The following TRAT1 variants were observed in gnomAD, a reference collection of about 807,000 sequenced individuals.
TRAT1 encodes T-cell receptor-associated transmembrane adapter 1.
Under a neutral mutation model 20.0 loss-of-function variants are expected in TRAT1, and 20 were observed. The observed-to-expected ratio is 1.00, with a 90% CI of 0.70 to 1.45. The LOEUF (loss-of-function observed/expected upper bound fraction) is 1.45. Ranked by LOEUF, TRAT1 falls within the 40% of genes most tolerant of loss-of-function variation. The pLI, the probability that TRAT1 is intolerant of heterozygous loss-of-function variation, is 0.00. For missense variants in TRAT1, 237 were observed against 224.1 expected, an observed-to-expected ratio of 1.06 and a Z score of -0.37; for synonymous variants, 77 against 74.2, an observed-to-expected ratio of 1.04 and a Z score of -0.20.
intron 3 of TRAT1, 132 bp downstream of exon 3, chr3:108,839,099 C>T: frequency 1.4e-6 from 1 of 693,980 alleles, no homozygotes; most frequent in Admixed American, 2.5e-5. Context: ...GTTTTAATTA[C>T]TTTTACTCTC....
At chr3:108,825,809 T>C (rs1559819143) in intron 1 of TRAT1, among the ~76,000 whole-genome samples, 1 of 152,270 alleles carries the variant, frequency 6.6e-6, no homozygotes, top group East Asian at 1.9e-4. Context: ...CTTCTTGAAA[T>C]ATTAAAAGAA....
chr3:108,849,077 C>T, intron 4 of TRAT1, 89 bp from the exon 5 acceptor site: 1 of 1,139,204 alleles, frequency 8.8e-7, no homozygotes, highest in Non-Finnish European at 1.3e-6. Context: ...TTTATATTTG[C>T]AGCCAAATGT....
intron 2 of TRAT1, among the ~76,000 whole-genome samples, chr3:108,837,348 C>T (rs1243771260): frequency 6.6e-6 from 1 of 152,218 alleles, no homozygotes; most frequent in Admixed American, 6.5e-5. Flanking sequence ...AATCTTCCCT[C>T]ATTTAGTCCT....
rs1321054080 is a variant in TRAT1 at position 108,853,745 on chromosome 3, A to G, written c.429A>G (p.Ile143Met). The change falls in exon 6 of 6, where the codon ATA (isoleucine) becomes ATG (methionine). Residue 143 changes from isoleucine to methionine, a missense_variant. Ile to Met is a conservative substitution (Grantham distance 10). Transcript: ENST00000295756. ...DKDGDEQLHA[I>M]DASVSKTTLV... ...ATGGAGATGAGCAACTACATGCAAT[A>G]GATGCCAGCGTTTCTAAGACCACCT... The G allele has an allele frequency of 6.2e-7, 1 of 1,614,052 alleles. No homozygotes were observed. Among genetic ancestry groups the G allele is most frequent in the Non-Finnish European group, 8.5e-7 (1 of 1,180,014 alleles).
intron 3 of TRAT1, 85 bp downstream of exon 3, chr3:108,839,052 G>T: frequency 9.6e-7 from 1 of 1,043,496 alleles, no homozygotes; most frequent in Non-Finnish European, 1.5e-6. Flanking sequence ...TTTGGCTCAT[G>T]GATATTGTAC....
At chr3:108,853,107 T>C (rs915122430) in intron 5 of TRAT1, among the ~76,000 whole-genome samples, 1 of 152,240 alleles carries the variant, frequency 6.6e-6, no homozygotes, top group Non-Finnish European at 1.5e-5. Flanking sequence ...ATCTATCATG[T>C]AAGTGAATAT....
chr3:108,849,966 C>T (rs1406620446), intron 5 of TRAT1, among the ~76,000 whole-genome samples: 3 of 152,184 alleles, frequency 2.0e-5, no homozygotes, highest in Non-Finnish European at 4.4e-5. Context: ...TTTTCTTCTC[C>T]TCTCAGATCC....
At chr3:108,844,615 C>T (rs961189499) in intron 3 of TRAT1, among the ~76,000 whole-genome samples, 8 of 151,336 alleles carry the variant, frequency 5.3e-5, no homozygotes, top group Non-Finnish European at 1.0e-4. Flanking sequence ...GAGGCCGAGG[C>T]GGGCAGATAA....
chr3:108,845,156 C>T (rs1945930658), intron 3 of TRAT1, among the ~76,000 whole-genome samples: 1 of 152,162 alleles, frequency 6.6e-6, no homozygotes, highest in African/African-American at 2.4e-5. Flanking sequence ...TTACAACAGG[C>T]TGGAGCTATT....
chr3:108,825,426 TA>T (rs553962794), intron 1 of TRAT1, among the ~76,000 whole-genome samples: 1 of 151,998 alleles, frequency 6.6e-6, no homozygotes, highest in Non-Finnish European at 1.5e-5. Flanking sequence ...TCATTTTTTT[TA>T]AAAAAAAGGA....
chr3:108,827,821 T>A (rs1480316575), intron 1 of TRAT1, among the ~76,000 whole-genome samples: 1 of 152,088 alleles, frequency 6.6e-6, no homozygotes, highest in South Asian at 2.1e-4. Context: ...CCTAAAGAAA[T>A]GTACAGTGTG....
intron 1 of TRAT1, among the ~76,000 whole-genome samples, chr3:108,824,900 A>G (rs998505120): frequency 4.6e-5 from 7 of 152,214 alleles, no homozygotes; most frequent in Non-Finnish European, 1.0e-4. Context: ...TATTTTCAGG[A>G]CTAATTAATT....
intron 3 of TRAT1, among the ~76,000 whole-genome samples, chr3:108,841,579 A>G (rs1299483553): frequency 2.0e-5 from 3 of 152,128 alleles, no homozygotes; most frequent in African/African-American, 4.8e-5. Flanking sequence ...ATAAACTTCT[A>G]TCGCACTGGG....
intron 2 of TRAT1, among the ~76,000 whole-genome samples, chr3:108,832,736 TA>T (rs1442802649): frequency 6.6e-6 from 1 of 152,188 alleles, no homozygotes; most frequent in African/African-American, 2.4e-5. Flanking sequence ...AGGTAACAGG[TA>T]GACATTGACA....
At chr3:108,824,709 T>C (rs1252623570) in intron 1 of TRAT1, among the ~76,000 whole-genome samples, 1 of 152,222 alleles carries the variant, frequency 6.6e-6, no homozygotes, top group Non-Finnish European at 1.5e-5. Flanking sequence ...CATACAATTT[T>C]CATACCTCTC....
rs564954300 is a variant in TRAT1, at chr3:108,840,591, A to AAC, written c.152+1626_152+1627dup. ...TTATTCATTCAATAAATATTCACTCAACAAACAGGCACTGTGCTAGACAAT... is the reference window on the plus strand; with the variant it reads ...TTATTCATTCAATAAATATTCACTCAACACAAACAGGCACTGTGCTAGACAAT... On this transcript the variant is annotated intron_variant, in intron 3 of 5. Transcript: ENST00000295756. Among the ~76,000 whole-genome samples, 210 of 152,206 alleles carry AAC rather than the reference A, an allele frequency of 1.4e-3. 1 individual carries two copies. The highest frequency in any genetic ancestry group is 6.8e-3 in the Middle Eastern group (2 of 294).
At chr3:108,839,147 T>C (rs1945868390) in intron 3 of TRAT1, 180 bp downstream of exon 3, 1 of 573,322 alleles carries the variant, frequency 1.7e-6, no homozygotes, top group Non-Finnish European at 3.1e-6. Context: ...TTATCTGTCC[T>C]AGTTATTTGC....
intron 2 of TRAT1, among the ~76,000 whole-genome samples, chr3:108,832,448 C>T (rs1012307735): frequency 2.0e-5 from 3 of 152,108 alleles, no homozygotes; most frequent in Non-Finnish European, 2.9e-5. Flanking sequence ...ATAAATGACC[C>T]ATCATCAAAC....
intron 5 of TRAT1, 151 bp downstream of exon 5, chr3:108,849,405 C>G: frequency 1.7e-6 from 1 of 604,348 alleles, no homozygotes; most frequent in Non-Finnish European, 2.9e-6. Context: ...GTCATGTAAA[C>G]AGAACTCAAA....
Sources: gnomAD v4.1 joint callset for allele counts (sites outside exome capture counted in the v4.1 genomes callset) on GRCh38, gnomAD v4.1.1 for gene constraint, MANE v1.5 for transcripts, NCBI Gene and HGNC (gene_info 2026-07-23, HGNC 2026-07-21) for gene names.